The following COG6 variants were observed in gnomAD, a reference collection of about 807,000 sequenced individuals.
COG6 encodes the protein conserved oligomeric Golgi complex subunit 6.
In COG6, 74 loss-of-function variants were observed where a neutral mutation model predicts 88.8. The observed-to-expected ratio is 0.83, with a 90% CI of 0.69 to 1.01. The LOEUF is 1.01. Ranked by LOEUF, COG6 falls within the 50% of genes least tolerant of loss-of-function variation. The probability of loss-of-function intolerance (pLI) is 0.00; values close to 1 mark genes in which losing one functional copy is unlikely to be tolerated. For synonymous variants in COG6, 286 were observed against 278.7 expected, an observed-to-expected ratio of 1.03 and a Z score of -0.26; for missense variants, 800 against 797.9, an observed-to-expected ratio of 1.00 and a Z score of -0.03.
At chr13:39,787,912 G>A (rs1881825603) in intron 18 of COG6, among the ~76,000 whole-genome samples, 1 of 152,078 alleles carries the variant, frequency 6.6e-6, no homozygotes, top group African/African-American at 2.4e-5. Context: ...TGGTATCTGT[G>A]GGGATCCTGG....
intron 18 of COG6, among the ~76,000 whole-genome samples, chr13:39,773,854 A>AC (rs1392129022): frequency 7.0e-6 from 1 of 143,718 alleles, no homozygotes; most frequent in African/African-American, 2.6e-5. Context: ...GAAATTACAA[A>AC]CCTATTGACA....
intron 18 of COG6, among the ~76,000 whole-genome samples, chr13:39,739,325 C>A (rs3000479): frequency 0.97 from 147,683 of 151,926 alleles, 71,951 homozygotes; most frequent in East Asian, 1. Flanking sequence ...GTTTAGATTT[C>A]AAAAAAAAGC....
chr13:39,655,783 C>A lies in COG6; in HGVS notation c.57C>A (p.Gly19=), dbSNP rs754850730. ...TGTCTGCGACCGGGGCTGCCAACGG[C>A]CTCAACAATGGGGCAGGCGGGACCT... ...VAVSATGAAN[G]LNNGAGGTSA... is the part of the protein sequence containing the mutation. Residue 19 remains glycine, a synonymous_variant, in exon 1 of 19, where the codon GGC becomes GGA. Transcript: ENST00000455146. The A allele has an allele frequency of 6.3e-7, 1 of 1,597,320 alleles. No individual in the cohort carries two copies. The highest frequency in any genetic ancestry group is 8.5e-7 in the Non-Finnish European group (1 of 1,172,288).
intron 18 of COG6, among the ~76,000 whole-genome samples, chr13:39,777,467 A>C (rs1881498184): frequency 6.6e-6 from 1 of 152,190 alleles, no homozygotes; most frequent in African/African-American, 2.4e-5. Context: ...ATTAGGTTGA[A>C]AAATGTGAGA....
chr13:39,707,755 T>C (rs1878025098), intron 13 of COG6, among the ~76,000 whole-genome samples: 1 of 152,188 alleles, frequency 6.6e-6, no homozygotes, highest in African/African-American at 2.4e-5. Flanking sequence ...GTGTAGTAAT[T>C]TCATTATATA....
chr13:39,775,926 C>T (rs1298997659), intron 18 of COG6, among the ~76,000 whole-genome samples: 4 of 152,012 alleles, frequency 2.6e-5, no homozygotes, highest in Admixed American at 1.3e-4. Flanking sequence ...TGTGCCACCA[C>T]GCCTGGCTAA....
At chr13:39,760,235 G>C (rs1232798500) in intron 18 of COG6, among the ~76,000 whole-genome samples, 1 of 152,086 alleles carries the variant, frequency 6.6e-6, no homozygotes, top group Non-Finnish European at 1.5e-5. Flanking sequence ...GGCAAGAGCT[G>C]GCCATTGTTG....
chr13:39,699,228 C>T (rs1047605566), intron 12 of COG6, among the ~76,000 whole-genome samples: 61 of 151,700 alleles, frequency 4.0e-4, no homozygotes, highest in African/African-American at 1.4e-3. Flanking sequence ...TTTTATATAT[C>T]ACAAATATCT....
chr13:39,762,789 A>AT (rs1881059486), intron 18 of COG6, among the ~76,000 whole-genome samples: 1 of 133,810 alleles, frequency 7.5e-6, no homozygotes, highest in African/African-American at 2.8e-5. Context: ...TTTGAAGCCT[A>AT]TGTACCCTTT....
chr13:39,757,376 TTAACC>T (rs1880871720), downstream of COG6, among the ~76,000 whole-genome samples: 1 of 151,532 alleles, frequency 6.6e-6, no homozygotes, highest in South Asian at 2.1e-4. Flanking sequence ...AAGAAATAAA[TTAACC>T]TAATCAATAA....
rs965189132 is a variant in COG6 at position 39,662,434 on chromosome 13, T to C, written c.369+1553T>C. Reference sequence around the variant, plus strand: ...GAGCCACCATGCCCGGCCAGTCCTTTATATTTTCTTTGCACCCACCTCACA... The same window carrying C: ...GAGCCACCATGCCCGGCCAGTCCTTCATATTTTCTTTGCACCCACCTCACA... On this transcript the variant is annotated intron_variant, in intron 3 of 18. Transcript: ENST00000455146. 2.0e-5 allele frequency among the ~76,000 whole-genome samples: 3 copies of C among 152,160 alleles called. No individual in the cohort carries two copies. In the East Asian group the frequency reaches 5.8e-4, roughly 29 times the overall value.
intron 12 of COG6, among the ~76,000 whole-genome samples, chr13:39,698,491 A>G (rs776973044): frequency 6.6e-6 from 1 of 151,854 alleles, no homozygotes; most frequent in Non-Finnish European, 1.5e-5. Flanking sequence ...AATAATTTAC[A>G]TTGTTTTCAT....
At chr13:39,760,709 T>C in intron 18 of COG6, among the ~76,000 whole-genome samples, 1 of 152,122 alleles carries the variant, frequency 6.6e-6, no homozygotes, top group East Asian at 1.9e-4. Flanking sequence ...TGTTGCTCTT[T>C]GTAACCTCAG....
chr13:39,769,620 T>TTCA (rs1258432293), intron 18 of COG6, among the ~76,000 whole-genome samples: 1 of 152,176 alleles, frequency 6.6e-6, no homozygotes, highest in African/African-American at 2.4e-5. Context: ...ATGTTAAAAC[T>TTCA]GAAGAGTAGA....
rs1013932819 is a variant in COG6 at position 39,741,328 on chromosome 13, C to T, written c.1827-9618C>T. Among the ~76,000 whole-genome samples, 10 of 152,016 alleles carry T rather than the reference C, an allele frequency of 6.6e-5. No individual in the cohort carries two copies. In the East Asian group the frequency reaches 1.2e-3, roughly 18 times the overall value. ...CTTCTCTGAGCTAAAGGAGGATGTT[C>T]GAACCCATTGCAAGGAAGCTAAAAA... On this transcript the variant is annotated intron_variant, in intron 18 of 18. Coordinates refer to ENST00000455146, the MANE Select transcript of COG6 (RefSeq NM_020751.3).
intron 18 of COG6, among the ~76,000 whole-genome samples, chr13:39,770,562 C>G (rs1881291203): frequency 6.6e-6 from 1 of 152,150 alleles, no homozygotes; most frequent in South Asian, 2.1e-4. Context: ...CTCACCCTGC[C>G]CCCTGTATTA....
intron 11 of COG6, among the ~76,000 whole-genome samples, chr13:39,690,679 TTGG>T (rs745658902): frequency 1.3e-5 from 2 of 151,970 alleles, no homozygotes; most frequent in Non-Finnish European, 2.9e-5. Flanking sequence ...TTTTGTTTTT[TTGG>T]TATATGCTTC....
intron 13 of COG6, among the ~76,000 whole-genome samples, chr13:39,708,349 G>T (rs1878055526): frequency 6.6e-6 from 1 of 152,110 alleles, no homozygotes; most frequent in African/African-American, 2.4e-5. Flanking sequence ...CACTCTCTTA[G>T]TCATGTATTA....
At chr13:39,728,285 A>T (rs1307932183) in intron 18 of COG6, among the ~76,000 whole-genome samples, 1 of 152,196 alleles carries the variant, frequency 6.6e-6, no homozygotes, top group Non-Finnish European at 1.5e-5. Flanking sequence ...TGAAATGTAC[A>T]GTAAGGAAAG....
Sources: allele counts gnomAD v4.1 joint callset (sites outside exome capture counted in the v4.1 genomes callset), GRCh38; gene constraint gnomAD v4.1.1; transcripts MANE v1.5; gene names NCBI Gene and HGNC (gene_info 2026-07-23, HGNC 2026-07-21).